The following UST variants were observed in gnomAD, a reference collection of about 807,000 sequenced individuals.
The protein encoded by UST is chondroitin sulfate 2-O-sulfotransferase.
A neutral mutation model predicts 45.6 loss-of-function variants in UST; 21 were observed. The ratio of observed to expected loss-of-function variants is 0.46; its 90% CI spans 0.33 to 0.66. UST has a LOEUF of 0.66. UST is among the 30% of genes least tolerant of loss of function. The pLI is 0.02. For synonymous variants in UST, 215 were observed against 200.6 expected (o/e 1.07, Z -0.61); for missense variants, 463 against 512.4 (o/e 0.90, Z 0.93).
At chr6:149,041,401 T>C (rs1442759766) in intron 7 of UST, among the ~76,000 whole-genome samples, 4 of 152,208 alleles carry the variant, frequency 2.6e-5, no homozygotes, top group Non-Finnish European at 1.5e-5. Context: ...GGAGCACAAA[T>C]GCAGTGAGGC....
At position 148,964,462 on chromosome 6, in the gene UST, C is replaced by T. The variant is rs201297688; in HGVS notation, c.580C>T (p.Arg194Trp). The change falls in exon 5 of 8, where the codon CGG becomes TGG. Residue 194 changes from arginine (R) to tryptophan (W), a missense_variant. Transcript: ENST00000367463. ...CAACATCATTAGAGACCCCGTCAAC[C>T]GGTTCTTATCCAACTATTTTTTCCG... ...YINIIRDPVN[R>W]FLSNYFFRRF... 5.6e-6 allele frequency: 9 copies of T among 1,614,176 alleles called. No homozygotes were observed. Among genetic ancestry groups the T allele is most frequent in the East Asian group, 2.2e-5 (1 of 44,878 alleles).
intron 1 of UST, among the ~76,000 whole-genome samples, chr6:148,812,295 C>A (rs1777274504): frequency 6.6e-6 from 1 of 152,062 alleles, no homozygotes; most frequent in East Asian, 1.9e-4. Flanking sequence ...TCCATGAGTT[C>A]ATCAAGATAA....
intron 1 of UST, among the ~76,000 whole-genome samples, chr6:148,821,926 A>T (rs1777473761): frequency 1.3e-5 from 2 of 152,184 alleles, no homozygotes; most frequent in African/African-American, 2.4e-5. Flanking sequence ...GCCAGTGGGA[A>T]TCTCATCAAC....
chr6:148,848,748 A>T (rs1054437755), intron 1 of UST, among the ~76,000 whole-genome samples: 2 of 152,086 alleles, frequency 1.3e-5, no homozygotes, highest in Non-Finnish European at 2.9e-5. Context: ...TTTCTTATAC[A>T]CAGAGAGAGA....
At chr6:148,835,442 A>C (rs1777769530) in intron 1 of UST, among the ~76,000 whole-genome samples, 2 of 152,170 alleles carry the variant, frequency 1.3e-5, no homozygotes, top group Admixed American at 1.3e-4. Context: ...GTAGCCTAGT[A>C]AGCTTTCTCA....
At chr6:149,059,475 CT>C (rs1776621184) in intron 7 of UST, among the ~76,000 whole-genome samples, 1 of 152,240 alleles carries the variant, frequency 6.6e-6, no homozygotes, top group Non-Finnish European at 1.5e-5. Flanking sequence ...TGGTGCCCCA[CT>C]GTGAGGAGCA....
chr6:148,978,889 A>G (rs1443631090), intron 5 of UST, among the ~76,000 whole-genome samples: 1 of 152,176 alleles, frequency 6.6e-6, no homozygotes, highest in Non-Finnish European at 1.5e-5. Flanking sequence ...AATTGAAGTA[A>G]AAGTTAAATT....
chr6:148,868,482 G>A (rs1051242144), intron 1 of UST, among the ~76,000 whole-genome samples: 3 of 152,188 alleles, frequency 2.0e-5, no homozygotes, highest in East Asian at 3.9e-4. Flanking sequence ...TCTTTGAAAA[G>A]ACCGTGAATA....
chr6:148,779,864 T>C (rs2114686964), intron 1 of UST, among the ~76,000 whole-genome samples: 1 of 152,248 alleles, frequency 6.6e-6, no homozygotes, highest in African/African-American at 2.4e-5. Context: ...TCTCAGTGTT[T>C]TTTCCCCCTC....
chr6:149,019,433 G>T (rs945100432), intron 6 of UST, among the ~76,000 whole-genome samples, 197 bp downstream of exon 6: 5 of 151,996 alleles, frequency 3.3e-5, no homozygotes, highest in African/African-American at 9.7e-5. Context: ...TAAAAATCAG[G>T]GTCTGTAGAG....
intron 1 of UST, among the ~76,000 whole-genome samples, chr6:148,811,792 T>A (rs1777261060): frequency 6.6e-6 from 1 of 152,220 alleles, no homozygotes. Flanking sequence ...TCTTGGAAGC[T>A]GCGGGTCTTC....
At chr6:148,953,549 G>A (rs1330168363) in intron 3 of UST, among the ~76,000 whole-genome samples, 3 of 152,134 alleles carry the variant, frequency 2.0e-5, no homozygotes, top group African/African-American at 4.8e-5. Context: ...TTGGGAGGCC[G>A]AGGCGGGCGG....
intron 2 of UST, among the ~76,000 whole-genome samples, chr6:148,929,348 A>G (rs1244166622): frequency 2.0e-5 from 3 of 152,206 alleles, no homozygotes; most frequent in African/African-American, 7.2e-5. Flanking sequence ...GTACACTGGA[A>G]GTTTAGACCA....
chr6:149,035,590 CAA>C (rs961622566), intron 7 of UST, among the ~76,000 whole-genome samples: 3 of 146,906 alleles, frequency 2.0e-5, no homozygotes, highest in African/African-American at 7.5e-5. Context: ...CCTGTCTCTA[CAA>C]AAAAAAAATA....
chr6:148,898,994 A>G (rs903858657), intron 2 of UST, among the ~76,000 whole-genome samples: 2 of 151,548 alleles, frequency 1.3e-5, no homozygotes, highest in Non-Finnish European at 2.9e-5. Context: ...AACCCATGCC[A>G]CCATTCCTTG....
chr6:149,028,446 T>C (rs1776082775), intron 7 of UST, among the ~76,000 whole-genome samples: 1 of 151,728 alleles, frequency 6.6e-6, no homozygotes, highest in Admixed American at 6.6e-5. Flanking sequence ...GGACTGGAGG[T>C]TCTCTTTGTA....
chr6:148,937,858 G>A lies in UST; in HGVS notation c.292-3421G>A, dbSNP rs373888693. On this transcript the variant is annotated intron_variant, in intron 2 of 7. Coordinates refer to ENST00000367463, the MANE Select transcript of UST (RefSeq NM_005715.3). The stretch of plus-strand genomic sequence containing the variant: ...CTGAGTTTATGTTGGCAGCTCTGTC[G>A]TAGCCATAATTTCATACCCCAGCCT... Among the ~76,000 whole-genome samples the A allele has an allele frequency of 5.2e-3, 793 of 152,232 alleles. 3 individuals are homozygous for A. The highest frequency in any genetic ancestry group is 0.017 in the African/African-American group (703 of 41,540).
At chr6:148,887,081 A>G (rs1168620244) in intron 2 of UST, 52 bp downstream of exon 2, 3 of 1,407,666 alleles carry the variant, frequency 2.1e-6, no homozygotes, top group Non-Finnish European at 2.0e-6. Context: ...TCTTACTTAC[A>G]GCCTCCAACA....
chr6:148,919,158 A>G (rs1650042154), intron 2 of UST, among the ~76,000 whole-genome samples: 1 of 152,176 alleles, frequency 6.6e-6, no homozygotes, highest in South Asian at 2.1e-4. Flanking sequence ...CAGTTAGGAT[A>G]TGTCTTTCTC....
Sources: gnomAD v4.1 joint callset for allele counts (sites outside exome capture counted in the v4.1 genomes callset) on GRCh38, gnomAD v4.1.1 for gene constraint, MANE v1.5 for transcripts, NCBI Gene and HGNC (gene_info 2026-07-23, HGNC 2026-07-21) for gene names.